HTR3D: variants seen among roughly 807,000 people sequenced by gnomAD.
HTR3D encodes the protein 5-hydroxytryptamine receptor 3D, also known as 5-hydroxytryptamine (serotonin) receptor 3 family member D.
In HTR3D, 47 loss-of-function variants were observed where a neutral mutation model predicts 45.8. That is an observed-to-expected ratio of 1.03 (90% CI 0.81 to 1.31). HTR3D has a LOEUF of 1.31. HTR3D is among the 50% of genes most tolerant of loss of function. The pLI, the probability that HTR3D is intolerant of heterozygous loss-of-function variation, is 0.00. For missense variants in HTR3D, 448 were observed against 506.9 expected (o/e 0.88, Z 1.12); for synonymous variants, 203 against 199.8 (o/e 1.02, Z -0.13).
At position 184,036,455 on chromosome 3, in the gene HTR3D, G is replaced by A. The variant is rs1166384330; in HGVS notation, c.278G>A (p.Trp93Ter). Residue 93 changes from tryptophan (W) to a stop codon, truncating the protein, a stop_gained, in exon 4 of 8, where the codon TGG (tryptophan) becomes TAG (stop). Transcript: ENST00000428798. LOFTEE classifies it high-confidence loss of function. ...TCAAACACAATAAGCCAATGTGGGT[G>A]GTCAGCATCTGCAAACTGGACACCT... ...ATSNTISQCG[W>*]SASANWTPSI... 1 of 1,614,198 alleles carries A rather than the reference G, an allele frequency of 6.2e-7. No individual in the cohort carries two copies. The highest frequency in any genetic ancestry group is 8.5e-7 in the Non-Finnish European group (1 of 1,180,030).
At chr3:184,031,902 T>C in intron 1 of HTR3D, 95 bp downstream of exon 1, 4 of 845,046 alleles carry the variant, frequency 4.7e-6, no homozygotes, top group Non-Finnish European at 7.8e-6. Flanking sequence ...TAGTCAATGA[T>C]TGGATGTTCG....
intron 5 of HTR3D, among the ~76,000 whole-genome samples, chr3:184,037,111 C>T (rs1192967415): frequency 6.6e-6 from 1 of 151,558 alleles, no homozygotes; most frequent in Non-Finnish European, 1.5e-5. Flanking sequence ...GTGATCTCAG[C>T]TCACTGCAAC....
chr3:184,031,995 C>CTTTTTTTTT (rs3031482), intron 1 of HTR3D, among the ~76,000 whole-genome samples, 188 bp downstream of exon 1: 4 of 129,644 alleles, frequency 3.1e-5, no homozygotes, highest in African/African-American at 9.1e-5. Context: ...CTTTTCTCTT[C>CTTTTTTTTT]TTTTTTTTTT....
intron 2 of HTR3D, among the ~76,000 whole-genome samples, chr3:184,035,438 G>A (rs1722857577): frequency 6.6e-6 from 1 of 152,166 alleles, no homozygotes; most frequent in Non-Finnish European, 1.5e-5. Flanking sequence ...ATACACTAAG[G>A]CCATGGGAGT....
At position 184,033,128 on chromosome 3, in the gene HTR3D, T is replaced by G. The variant is rs1262472247; in HGVS notation, c.66+1321T>G. The G allele has an allele frequency of 2.4e-6, 3 of 1,252,020 alleles. No individual in the cohort carries two copies. The East Asian group carries it at 7.6e-5, about 32-fold the overall frequency. 77.6% of individuals were successfully genotyped at this position (1,252,020 alleles called of 1,614,324 possible). ...TGGACCCTCTGACTGGATTTTTTTT[T>G]TTTTTTTTTGAGATGGAGTCTTGCT... On this transcript the variant is annotated intron_variant, in intron 1 of 7. Coordinates refer to ENST00000428798, the MANE Select transcript of HTR3D (RefSeq NM_001145143.1).
chr3:184,035,136 C>A, intron 1 of HTR3D, 42 bp from the exon 2 acceptor site: 3 of 1,551,626 alleles, frequency 1.9e-6, no homozygotes, highest in Non-Finnish European at 2.6e-6. Context: ...ATGGGACCTG[C>A]CTTCCTGGAG....
chr3:184,036,012 C>T lies in HTR3D; in HGVS notation c.112-3C>T. The T allele has an allele frequency of 1.3e-6, 2 of 1,551,278 alleles. No homozygotes were observed. Among genetic ancestry groups the T allele is most frequent in the Non-Finnish European group, 1.7e-6 (2 of 1,146,872 alleles). Reference sequence around the variant, plus strand: ...CCGGCCTTGGCACAATCAATTTGTGCAGTGGAACCCAGATGAATGCGGAGG... The same window carrying T: ...CCGGCCTTGGCACAATCAATTTGTGTAGTGGAACCCAGATGAATGCGGAGG... On this transcript the variant is annotated splice_polypyrimidine_tract_variant and splice_region_variant and intron_variant, in intron 2 of 7. Transcript: ENST00000428798.
chr3:184,038,044 G>C lies in HTR3D; in HGVS notation c.540G>C (p.Arg180Ser). Residue 180 changes from arginine (R) to serine (S), a missense_variant, in exon 6 of 8, where the codon AGG becomes AGC. By Grantham distance (110) the Arg-to-Ser change is moderately radical. Coordinates refer to ENST00000428798, the MANE Select transcript of HTR3D (RefSeq NM_001145143.1). This position sits in a 1 kb window ranked among gnomAD's most constrained non-coding sequence, Gnocchi z 4.5. ...IFHVAIRRRC[R>S]PSPYVVNFLV... ...AGGTGGCCATCAGGCGCAGGTGCAG[G>C]CCCAGCCCCTACGTGGTAAACTTTC... 6.2e-7 allele frequency: 1 copy of C among 1,614,118 alleles called. No individual in the cohort carries two copies. Among genetic ancestry groups the C allele is most frequent in the South Asian group, 1.1e-5 (1 of 91,078 alleles).
chr3:184,034,682 G>A lies in HTR3D; in HGVS notation c.67-496G>A, dbSNP rs558632828. Reference sequence around the variant, plus strand: ...CAAAAATACAAAAAGTTAGCTGGGCGTGGTGGTGTGTGCCTCTAATCCCAG... The same window carrying A: ...CAAAAATACAAAAAGTTAGCTGGGCATGGTGGTGTGTGCCTCTAATCCCAG... On this transcript the variant is annotated intron_variant, in intron 1 of 7. Transcript: ENST00000428798. Among the ~76,000 whole-genome samples the A allele has an allele frequency of 6.4e-4, 61 of 95,616 alleles. 2 individuals carry two copies. The East Asian group carries it at 0.015, about 23-fold the overall frequency. 62.7% of individuals were successfully genotyped at this position (95,616 alleles called of 152,430 possible).
At chr3:184,037,472 C>A (rs1040357208) in intron 5 of HTR3D, among the ~76,000 whole-genome samples, 1 of 152,054 alleles carries the variant, frequency 6.6e-6, no homozygotes, top group African/African-American at 2.4e-5. Flanking sequence ...GAGGGTGAGC[C>A]CCGCCTTCCC....
intron 5 of HTR3D, among the ~76,000 whole-genome samples, chr3:184,037,299 A>G (rs1394300391): frequency 6.6e-6 from 1 of 152,106 alleles, no homozygotes; most frequent in Non-Finnish European, 1.5e-5. Context: ...TCGGCCTCCC[A>G]AAGTTCTGGG....
Position 184,038,177 on chromosome 3 carries a change from G to T in HTR3D, c.673G>T (p.Val225Phe). 2 of 1,614,154 alleles carry T rather than the reference G, an allele frequency of 1.2e-6. No homozygotes were observed. Among genetic ancestry groups the T allele is most frequent in the Admixed American group, 3.3e-5 (2 of 60,012 alleles). Reference protein sequence around the residue: ...FKMTVLLGYSVFLLMMNDLLP... With the variant: ...FKMTVLLGYSFFLLMMNDLLP... ...GATGACTGTTCTGCTGGGCTACAGC[G>T]TCTTCCTGCTCATGATGAATGACTT... Residue 225 changes from valine (V) to phenylalanine (F), a missense_variant, in exon 6 of 8, where the codon GTC (valine) becomes TTC (phenylalanine). Val to Phe is a conservative substitution (Grantham distance 50, BLOSUM62 -1). Coordinates refer to ENST00000428798, the MANE Select transcript of HTR3D (RefSeq NM_001145143.1). The surrounding 1 kb of genome is among the most constrained non-coding windows in gnomAD (Gnocchi z 4.5).
At position 184,035,190 on chromosome 3, in the gene HTR3D, C is replaced by T; in HGVS notation, c.79C>T (p.Gln27Ter). ...LHLLLQDSHLQLVTSFLWLNM... is the reference protein window; with the variant it reads ...LHLLLQDSHL ...GCTGCTATTCCAGGATTCACACCTT[C>T]AACTGGTGACATCGTTCCTGTGGCT... is the stretch of plus-strand genomic sequence containing the variant. Residue 27 changes from glutamine to a stop codon, truncating the protein, a stop_gained, in exon 2 of 8, where the codon CAA becomes TAA. Transcript: ENST00000428798. LOFTEE classifies it high-confidence loss of function. 1 of 1,552,198 alleles carries T rather than the reference C, an allele frequency of 6.4e-7. No homozygotes were observed.
At chr3:184,035,132 C>T (rs1722850043) in intron 1 of HTR3D, 46 bp from the exon 2 acceptor site, 4 of 1,551,456 alleles carry the variant, frequency 2.6e-6, no homozygotes, top group Admixed American at 3.9e-5. Flanking sequence ...TGGCATGGGA[C>T]CTGCCTTCCT....
At chr3:184,033,759 A>C (rs1045583097) in intron 1 of HTR3D, among the ~76,000 whole-genome samples, 6 of 152,096 alleles carry the variant, frequency 3.9e-5, no homozygotes, top group Non-Finnish European at 7.4e-5. Flanking sequence ...TCTACTAAAA[A>C]TACAAAAATT....
intron 2 of HTR3D, among the ~76,000 whole-genome samples, chr3:184,035,659 A>T (rs374730517): frequency 6.6e-6 from 1 of 151,750 alleles, no homozygotes; most frequent in African/African-American, 2.4e-5. Flanking sequence ...CTCTCATGCC[A>T]TGGTTTCCTA....
chr3:184,034,720 C>A (rs2108960103), intron 1 of HTR3D, among the ~76,000 whole-genome samples: 1 of 111,010 alleles, frequency 9.0e-6, no homozygotes, highest in Non-Finnish European at 1.7e-5. Context: ...GCTCGGGAGG[C>A]TGAGGCAGGA....
intron 1 of HTR3D, chr3:184,032,832 T>C (rs1344549311): frequency 6.4e-7 from 1 of 1,550,920 alleles, no homozygotes; most frequent in Non-Finnish European, 8.7e-7. Context: ...TTTCTCTCCA[T>C]GCAGAAACAC....
chr3:184,037,259 C>T (rs967802992), intron 5 of HTR3D, among the ~76,000 whole-genome samples: 1 of 151,274 alleles, frequency 6.6e-6, no homozygotes, highest in East Asian at 2.0e-4. Flanking sequence ...AGGCCGGTCT[C>T]AAAGTCCTGA....
Sources: allele counts gnomAD v4.1 joint callset (sites outside exome capture counted in the v4.1 genomes callset), GRCh38; gene constraint gnomAD v4.1.1; non-coding constraint Gnocchi (gnomAD v3.1); transcripts MANE v1.5; gene names NCBI Gene and HGNC (gene_info 2026-07-23, HGNC 2026-07-21).